DTWD2: variants seen among roughly 807,000 people sequenced by gnomAD.
DTWD2 encodes tRNA-uridine aminocarboxypropyltransferase 2.
DTWD2 carries 39 observed loss-of-function variants against 31.8 expected under a neutral mutation model. The observed-to-expected ratio is 1.22, with a 90% CI of 0.95 to 1.60. DTWD2 has a LOEUF of 1.60. Among genes scored for constraint, DTWD2 ranks in the 40% most tolerant of loss-of-function variants. The pLI is 0.00. For missense variants in DTWD2, 515 were observed against 381.5 expected (o/e 1.35, Z -2.92); for synonymous variants, 180 against 142.8 (o/e 1.26, Z -1.86).
chr5:118,923,788 C>G (rs950445696), intron 4 of DTWD2, among the ~76,000 whole-genome samples: 2 of 152,150 alleles, frequency 1.3e-5, no homozygotes, highest in Non-Finnish European at 2.9e-5. Context: ...GCTGCAGACC[C>G]GCACAGATGT....
intron 4 of DTWD2, among the ~76,000 whole-genome samples, chr5:118,916,929 A>G (rs953067956): frequency 3.9e-5 from 6 of 152,114 alleles, no homozygotes; most frequent in Non-Finnish European, 8.8e-5. Flanking sequence ...TTCTGACCCC[A>G]TTAGAACTAC....
At chr5:118,873,113 G>A (rs1752543191) in intron 4 of DTWD2, among the ~76,000 whole-genome samples, 1 of 152,200 alleles carries the variant, frequency 6.6e-6, no homozygotes, top group Non-Finnish European at 1.5e-5. Context: ...CTGGCAGAAG[G>A]GGACCCCTTG....
intron 4 of DTWD2, among the ~76,000 whole-genome samples, chr5:118,889,521 C>CG (rs1395772169): frequency 6.6e-6 from 1 of 151,672 alleles, no homozygotes; most frequent in African/African-American, 2.4e-5. Flanking sequence ...ATATCTAACA[C>CG]GGGGGGATAT....
intron 1 of DTWD2, among the ~76,000 whole-genome samples, chr5:118,983,789 C>T (rs529067852): frequency 1.7e-4 from 26 of 152,168 alleles, no homozygotes; most frequent in Non-Finnish European, 2.9e-4. Context: ...AGCTAGGGAA[C>T]CAAGTGGACT....
chr5:118,894,299 C>G (rs1308960809), intron 4 of DTWD2, among the ~76,000 whole-genome samples: 1 of 152,060 alleles, frequency 6.6e-6, no homozygotes, highest in African/African-American at 2.4e-5. Context: ...ATGTACAATC[C>G]CAATCCAACT....
chr5:118,921,548 A>G (rs1426792255), intron 4 of DTWD2, among the ~76,000 whole-genome samples: 1 of 151,884 alleles, frequency 6.6e-6, no homozygotes, highest in Non-Finnish European at 1.5e-5. Context: ...AGAAAGAAAA[A>G]GAAAAAAAAA....
chr5:118,973,334 A>G (rs921192207), intron 1 of DTWD2, among the ~76,000 whole-genome samples: 4 of 152,078 alleles, frequency 2.6e-5, no homozygotes, highest in African/African-American at 9.7e-5. Flanking sequence ...TAGTTGATGC[A>G]GTTTCTTCAT....
At chr5:118,934,269 C>T (rs1580419179) in intron 3 of DTWD2, among the ~76,000 whole-genome samples, 1 of 36,912 alleles carries the variant, frequency 2.7e-5, no homozygotes, top group Non-Finnish European at 5.1e-5. Context: ...ACCTTGTCTC[C>T]ATTAAAAAAA....
chr5:118,971,222 G>A (rs1754979886), intron 1 of DTWD2, among the ~76,000 whole-genome samples: 1 of 152,140 alleles, frequency 6.6e-6, no homozygotes, highest in African/African-American at 2.4e-5. Context: ...CCATCTGTAT[G>A]CTATCTTCAA....
chr5:118,964,878 G>A (rs1196269144), intron 1 of DTWD2, among the ~76,000 whole-genome samples: 10 of 152,200 alleles, frequency 6.6e-5, no homozygotes, highest in African/African-American at 2.4e-4. Context: ...TGGGAAGTGA[G>A]GAGCATCTCT....
At chr5:118,959,826 C>A (rs1754668300) in intron 1 of DTWD2, among the ~76,000 whole-genome samples, 1 of 152,066 alleles carries the variant, frequency 6.6e-6, no homozygotes, top group Non-Finnish European at 1.5e-5. Flanking sequence ...ACAAAGCTGA[C>A]AAAAACAAGC....
At chr5:118,949,030 C>T (rs929228383) in intron 1 of DTWD2, among the ~76,000 whole-genome samples, 1 of 151,890 alleles carries the variant, frequency 6.6e-6, no homozygotes, top group Non-Finnish European at 1.5e-5. Context: ...AGAATTATGC[C>T]GAGATAGGTA....
chr5:118,848,362 T>A (rs1291121882), intron 4 of DTWD2, 144 bp from the exon 5 acceptor site: 1 of 680,606 alleles, frequency 1.5e-6, no homozygotes, highest in Non-Finnish European at 2.3e-6. Context: ...ATGTATAACA[T>A]CCTTTTGTTG....
At chr5:118,974,836 ATG>A (rs576694904) in intron 1 of DTWD2, among the ~76,000 whole-genome samples, 2 of 152,178 alleles carry the variant, frequency 1.3e-5, no homozygotes, top group Non-Finnish European at 2.9e-5. Flanking sequence ...TTATTTAAGA[ATG>A]TTGAATATTG....
intron 3 of DTWD2, among the ~76,000 whole-genome samples, chr5:118,938,215 GA>G (rs1580421938): frequency 6.7e-6 from 1 of 149,522 alleles, no homozygotes; most frequent in African/African-American, 2.5e-5. Context: ...ATGCGGCAAG[GA>G]AAAAAAAAGG....
intron 1 of DTWD2, among the ~76,000 whole-genome samples, chr5:118,946,843 C>T (rs1284407547): frequency 6.6e-6 from 1 of 152,112 alleles, no homozygotes; most frequent in Non-Finnish European, 1.5e-5. Flanking sequence ...CGGATTCAAT[C>T]GATTCTCGTG....
At chr5:118,887,791 C>CTGTTT (rs1257630089) in intron 4 of DTWD2, among the ~76,000 whole-genome samples, 1 of 152,104 alleles carries the variant, frequency 6.6e-6, no homozygotes, top group African/African-American at 2.4e-5. Flanking sequence ...ACTAATTGTT[C>CTGTTT]TGTTTTGTTT....
intron 1 of DTWD2, among the ~76,000 whole-genome samples, chr5:118,969,182 C>A (rs962460275): frequency 2.0e-5 from 3 of 152,108 alleles, no homozygotes; most frequent in Non-Finnish European, 4.4e-5. Flanking sequence ...GACTGAGCCA[C>A]CAAGAGGGGA....
At chr5:118,987,356 T>C (rs1295960686) in intron 1 of DTWD2, among the ~76,000 whole-genome samples, 1 of 152,206 alleles carries the variant, frequency 6.6e-6, no homozygotes, top group African/African-American at 2.4e-5. Flanking sequence ...CTCTGAAGTC[T>C]TACAATCCAG....
Sources: gnomAD v4.1 joint callset for allele counts (sites outside exome capture counted in the v4.1 genomes callset) on GRCh38, gnomAD v4.1.1 for gene constraint, MANE v1.5 for transcripts, NCBI Gene and HGNC (gene_info 2026-07-23, HGNC 2026-07-21) for gene names.